The following OSBPL1A variants were observed in gnomAD, a reference collection of about 807,000 sequenced individuals.
OSBPL1A encodes the protein oxysterol-binding protein-related protein 1.
A neutral mutation model predicts 137.1 loss-of-function variants in OSBPL1A; 80 were observed. The observed-to-expected ratio is 0.58, with a 90% CI of 0.49 to 0.70. OSBPL1A has a LOEUF of 0.70. Ranked by LOEUF, OSBPL1A falls within the 30% of genes least tolerant of loss-of-function variation. The pLI, the probability that OSBPL1A is intolerant of heterozygous loss-of-function variation, is 0.00. For missense variants in OSBPL1A, 970 were observed against 1,129.4 expected (o/e 0.86, Z 2.02); for synonymous variants, 365 against 389.7 (o/e 0.94, Z 0.75).
intron 7 of OSBPL1A, among the ~76,000 whole-genome samples, chr18:24,326,715 G>A (rs941021194): frequency 1.3e-5 from 2 of 152,194 alleles, no homozygotes; most frequent in African/African-American, 4.8e-5. Context: ...GGAATATCAT[G>A]AGATGACTGT....
chr18:24,199,935 G>C (rs1244224775), intron 17 of OSBPL1A, among the ~76,000 whole-genome samples: 1 of 152,014 alleles, frequency 6.6e-6, no homozygotes, highest in Non-Finnish European at 1.5e-5. Flanking sequence ...GCAGTGCCAG[G>C]GTCAAGAAAT....
rs994923416 is a variant in OSBPL1A, at chr18:24,271,926, T to TCCG, written c.1281+8913_1281+8915dup. The TCCG allele has an allele frequency of 8.2e-5, 81 of 983,392 alleles. No individual in the cohort carries two copies. The highest frequency in any genetic ancestry group is 9.2e-5 in the Non-Finnish European group (76 of 829,378). The allele number at this position is 983,392 out of a possible 1,614,324, so 60.9% of individuals were successfully genotyped here. On this transcript the variant is annotated intron_variant, in intron 15 of 27. Transcript: ENST00000319481. The surrounding 1 kb of genome is among the most constrained non-coding windows in gnomAD (Gnocchi z 4.0). ...GGGCCGCAGAGGTCTGCGCTGCCCCTCCGCCGCCGCTGGCTCGGCCGCAGA... is the reference window on the plus strand; with the variant it reads ...GGGCCGCAGAGGTCTGCGCTGCCCCTCCGCCGCCGCCGCTGGCTCGGCCGCAGA...
At chr18:24,313,780 T>C (rs769240931) in intron 12 of OSBPL1A, among the ~76,000 whole-genome samples, 7 of 152,198 alleles carry the variant, frequency 4.6e-5, no homozygotes, top group Non-Finnish European at 8.8e-5. Flanking sequence ...AACTAATTCA[T>C]GTACCAAATT....
rs115033661 is a variant in OSBPL1A at position 24,304,033 on chromosome 18, G to T, written c.1093-315C>A. On this transcript the variant is annotated intron_variant, in intron 13 of 27. Coordinates refer to ENST00000319481, the MANE Select transcript of OSBPL1A (RefSeq NM_080597.4). ...TGTATCTGAGGAATTATAATTCTCTGATTTATTAGCACTTTTAGTAGGCCT... is the reference window on the plus strand; with the variant it reads ...TGTATCTGAGGAATTATAATTCTCTTATTTATTAGCACTTTTAGTAGGCCT... 2.9e-3 allele frequency among the ~76,000 whole-genome samples: 440 copies of T among 152,104 alleles called. 3 individuals are homozygous for T. The highest frequency in any genetic ancestry group is 0.01 in the African/African-American group (428 of 41,496).
chr18:24,327,345 G>A lies in OSBPL1A; in HGVS notation c.625+5597C>T, dbSNP rs184349281. Among the ~76,000 whole-genome samples the A allele has an allele frequency of 1.8e-4, 27 of 152,010 alleles. No individual in the cohort carries two copies. In the East Asian group the frequency reaches 3.9e-3, roughly 22 times the overall value. On this transcript the variant is annotated intron_variant, in intron 7 of 27. Transcript: ENST00000319481. ...ACTCCTGACCTCAAGTGATCCACCC[G>A]CCATGGCCTGCCAAAGTGCTGGGAT...
chr18:24,215,209 T>C (rs564728350), intron 17 of OSBPL1A, among the ~76,000 whole-genome samples: 1 of 152,308 alleles, frequency 6.6e-6, no homozygotes, highest in South Asian at 2.1e-4. Flanking sequence ...TAAAGCAGGT[T>C]TTTTTTCTGC....
chr18:24,303,730 GA>G lies in OSBPL1A; in HGVS notation c.1093-13del. 6.2e-7 allele frequency: 1 copy of G among 1,604,326 alleles called. No homozygotes were observed. The highest frequency in any genetic ancestry group is 8.5e-7 in the Non-Finnish European group (1 of 1,173,184). ...CATGACTGTGCTTTCTGCAAAAAAA[GA>G]AAAGACAAAATTAAAACAAAGTAAT... On this transcript the variant is annotated splice_polypyrimidine_tract_variant and intron_variant, in intron 13 of 27. Transcript: ENST00000319481.
At chr18:24,214,611 T>C (rs2087638801) in intron 17 of OSBPL1A, among the ~76,000 whole-genome samples, 1 of 152,082 alleles carries the variant, frequency 6.6e-6, no homozygotes, top group Non-Finnish European at 1.5e-5. Flanking sequence ...AGACCTGGAG[T>C]TCTCTACTAG....
chr18:24,355,701 C>A (rs2091521101), intron 4 of OSBPL1A, among the ~76,000 whole-genome samples: 1 of 151,810 alleles, frequency 6.6e-6, no homozygotes, highest in Non-Finnish European at 1.5e-5. Context: ...AGTCATGATA[C>A]CGGCTGAGCG....
chr18:24,353,976 G>C (rs974723232), intron 4 of OSBPL1A, among the ~76,000 whole-genome samples: 3 of 151,142 alleles, frequency 2.0e-5, no homozygotes, highest in East Asian at 3.9e-4. Context: ...TAAATGACCA[G>C]TTAATGGGTG....
chr18:24,171,326 C>T (rs1209498511), intron 23 of OSBPL1A, 83 bp downstream of exon 23: 2 of 1,106,500 alleles, frequency 1.8e-6, no homozygotes, highest in East Asian at 4.8e-5. Flanking sequence ...GCCACTGTGC[C>T]CAGCCGACAA....
intron 15 of OSBPL1A, among the ~76,000 whole-genome samples, chr18:24,260,386 C>T (rs754734518): frequency 1.3e-5 from 2 of 152,142 alleles, no homozygotes; most frequent in Non-Finnish European, 2.9e-5. Flanking sequence ...CTATTTGCAA[C>T]AGCCAAAAGG....
At chr18:24,206,026 G>C (rs1462729970) in intron 17 of OSBPL1A, among the ~76,000 whole-genome samples, 1 of 152,118 alleles carries the variant, frequency 6.6e-6, no homozygotes, top group African/African-American at 2.4e-5. Context: ...AAGTAGCTGG[G>C]ACTACAGGCA....
chr18:24,332,982 A>G lies in OSBPL1A; in HGVS notation c.585T>C (p.Leu195=). ...YRAHKQCALK[L]LRSGADPNLK... is the part of the protein sequence containing the mutation. ...GATTAGGGTCTGCTCCACTTCTTAG[A>G]AGCTTTAAGGCACATTGTTTATGGG... Residue 195 remains leucine (L), a synonymous_variant, in exon 7 of 28, where the codon CTT becomes CTC. Coordinates refer to ENST00000319481, the MANE Select transcript of OSBPL1A (RefSeq NM_080597.4). 6.2e-7 allele frequency: 1 copy of G among 1,614,226 alleles called. No homozygotes were observed.
At chr18:24,322,745 T>C (rs752104287) in intron 7 of OSBPL1A, among the ~76,000 whole-genome samples, 1 of 152,106 alleles carries the variant, frequency 6.6e-6, no homozygotes, top group Non-Finnish European at 1.5e-5. Flanking sequence ...GCCAACTAGA[T>C]GAAATTCCAG....
chr18:24,188,859 T>C (rs1055555814), intron 18 of OSBPL1A, among the ~76,000 whole-genome samples: 2 of 152,184 alleles, frequency 1.3e-5, no homozygotes, highest in African/African-American at 2.4e-5. Flanking sequence ...CTCTTGAAAA[T>C]TCACTGATAC....
intron 11 of OSBPL1A, among the ~76,000 whole-genome samples, chr18:24,316,006 A>G (rs544991800): frequency 6.7e-6 from 1 of 149,778 alleles, no homozygotes; most frequent in East Asian, 1.9e-4. Flanking sequence ...CATGCCTATA[A>G]TCCCAGCACT....
intron 4 of OSBPL1A, chr18:24,357,288 A>G (rs1350111729): frequency 6.6e-6 from 1 of 152,192 alleles, no homozygotes; most frequent in Non-Finnish European, 1.5e-5. Flanking sequence ...AAAGATAGTC[A>G]TGCCTTTGTC....
intron 16 of OSBPL1A, among the ~76,000 whole-genome samples, chr18:24,234,425 T>C (rs1233103953): frequency 1.3e-5 from 2 of 152,242 alleles, no homozygotes; most frequent in Non-Finnish European, 2.9e-5. Context: ...CAATGGAATT[T>C]AATCAAATTT....
Sources: allele counts gnomAD v4.1 joint callset (sites outside exome capture counted in the v4.1 genomes callset), GRCh38; gene constraint gnomAD v4.1.1; non-coding constraint Gnocchi (gnomAD v3.1); transcripts MANE v1.5; gene names NCBI Gene and HGNC (gene_info 2026-07-23, HGNC 2026-07-21).